The following SLC5A4 variants were observed in gnomAD, a reference collection of about 807,000 sequenced individuals.
SLC5A4 encodes the protein probable glucose sensor protein SLC5A4.
Under a neutral mutation model 70.3 loss-of-function variants are expected in SLC5A4, and 55 were observed. The ratio of observed to expected loss-of-function variants is 0.78; its 90% CI spans 0.63 to 0.98. The LOEUF is 0.98. Ranked by LOEUF, SLC5A4 falls within the 50% of genes least tolerant of loss-of-function variation. The pLI, the probability that SLC5A4 is intolerant of heterozygous loss-of-function variation, is 0.00. For missense variants in SLC5A4, 735 were observed against 839.2 expected (o/e 0.88, Z 1.53); for synonymous variants, 268 against 305.7 (o/e 0.88, Z 1.29).
chr22:32,325,957 C>G, the SLC5A4 span, among the ~76,000 whole-genome samples: 8 of 152,210 alleles, frequency 5.3e-5, no homozygotes, highest in Non-Finnish European at 1.0e-4. Context: ...GAGAGAGGAG[C>G]TGAGCCTGGA....
At chr22:32,329,607 G>A in the SLC5A4 span, among the ~76,000 whole-genome samples, 2 of 123,896 alleles carry the variant, frequency 1.6e-5, no homozygotes, top group Admixed American at 8.0e-5. Flanking sequence ...TCTGGTGTGT[G>A]TGTTGGCTCT....
At chr22:32,290,245 C>T in the SLC5A4 span, among the ~76,000 whole-genome samples, 2 of 152,128 alleles carry the variant, frequency 1.3e-5, no homozygotes, top group African/African-American at 4.8e-5. Flanking sequence ...GCTCTCCCTC[C>T]CCTTGCCCCC....
the SLC5A4 span, among the ~76,000 whole-genome samples, chr22:32,304,218 C>T: frequency 6.6e-6 from 1 of 152,172 alleles, no homozygotes; most frequent in African/African-American, 2.4e-5. Context: ...CCTCTGTCTC[C>T]TGGGTTCAAG....
chr22:32,240,431 ATG>A (rs1230601825), intron 5 of SLC5A4, among the ~76,000 whole-genome samples: 1 of 126,974 alleles, frequency 7.9e-6, no homozygotes, highest in African/African-American at 3.3e-5. Flanking sequence ...GTTATTATAT[ATG>A]TGTGTATATA....
chr22:32,310,140 C>G, the SLC5A4 span, among the ~76,000 whole-genome samples: 1 of 151,996 alleles, frequency 6.6e-6, no homozygotes. Flanking sequence ...GGGATGCTTA[C>G]GTGAACTCCA....
the SLC5A4 span, chr22:32,271,345 AG>A: frequency 1.4e-6 from 1 of 738,036 alleles, no homozygotes; most frequent in Admixed American, 2.0e-5. Flanking sequence ...CTCGTCAAGG[AG>A]GTGCTGCTGG....
At chr22:32,331,651 C>A in the SLC5A4 span, among the ~76,000 whole-genome samples, 1 of 152,094 alleles carries the variant, frequency 6.6e-6, no homozygotes, top group Non-Finnish European at 1.5e-5. Flanking sequence ...GCAGACAGGA[C>A]AGTGCCTGCT....
the SLC5A4 span, among the ~76,000 whole-genome samples, chr22:32,291,003 GTCT>G: frequency 1.5e-3 from 224 of 152,092 alleles, 1 homozygote; most frequent in African/African-American, 5.1e-3. Context: ...GTGTAGTGGT[GTCT>G]TCTTTTTAAT....
At chr22:32,270,736 C>A in the SLC5A4 span, 1 of 635,264 alleles carries the variant, frequency 1.6e-6, no homozygotes, top group Non-Finnish European at 2.9e-6. Flanking sequence ...CCTGGTCACC[C>A]GCAACATGCA....
Position 32,220,937 on chromosome 22 carries a change from T to A in SLC5A4, c.1751A>T (p.Asp584Val). The A allele has an allele frequency of 6.2e-7, 1 of 1,611,070 alleles. No homozygotes were observed. The highest frequency in any genetic ancestry group is 8.5e-7 in the Non-Finnish European group (1 of 1,177,216). Residue 584 changes from aspartate (D) to valine (V), a missense_variant, in exon 14 of 15, where the codon GAT (aspartate) becomes GTT (valine). Asp to Val is a radical substitution (Grantham distance 152). Transcript: ENST00000266086. Reference protein sequence around the residue: ...DAEEKSQEETDDGVEEDYPEK... With the variant: ...DAEEKSQEETVDGVEEDYPEK... ...AATATTACCTTCTTCAACACCATCA[T>A]CTGTTTCTTCCTGACTTTTCTCTTC...
the SLC5A4 span, among the ~76,000 whole-genome samples, chr22:32,326,422 A>G: frequency 6.6e-6 from 1 of 151,936 alleles, no homozygotes; most frequent in East Asian, 1.9e-4. Context: ...ATGCCCAGCT[A>G]GTTTTTTTAT....
rs188064326 is a variant in SLC5A4 at position 32,223,683 on chromosome 22, C to T, written c.1665+584G>A. On this transcript the variant is annotated intron_variant, in intron 13 of 14. Coordinates refer to ENST00000266086, the MANE Select transcript of SLC5A4 (RefSeq NM_014227.3). ...TGTCTTTGGAAACACCAATTATTCTCTTCCTGGTGTCCTATGACAATGCTG... is the reference window on the plus strand; with the variant it reads ...TGTCTTTGGAAACACCAATTATTCTTTTCCTGGTGTCCTATGACAATGCTG... Among the ~76,000 whole-genome samples, 144 of 152,304 alleles carry T rather than the reference C, an allele frequency of 9.5e-4. 5 individuals are homozygous for T. The highest frequency in any genetic ancestry group is 9.3e-3 in the Admixed American group (143 of 15,302).
At chr22:32,328,112 G>A in the SLC5A4 span, among the ~76,000 whole-genome samples, 1 of 142,762 alleles carries the variant, frequency 7.0e-6, no homozygotes, top group Non-Finnish European at 1.6e-5. Flanking sequence ...ACACACACCA[G>A]AGCCCCCAAA....
chr22:32,354,574 C>T, the SLC5A4 span, among the ~76,000 whole-genome samples: 1 of 152,000 alleles, frequency 6.6e-6, no homozygotes, highest in African/African-American at 2.4e-5. Flanking sequence ...GCCACGGCCA[C>T]TGCATCCCCA....
Position 32,234,963 on chromosome 22 carries a change from G to T in SLC5A4, c.795C>A (p.Ile265=), listed in dbSNP as rs376304888. The change falls in exon 8 of 15, where the codon ATC becomes ATA. Residue 265 remains isoleucine (I), a synonymous_variant. Transcript: ENST00000266086. ...TGTCCCCAGTCACAGCATCTCGGAA[G>T]ATGTGGAAGGAGTCCGCCCGAGGTG... The part of the protein sequence containing the change: ...CYTPRADSFH[I]FRDAVTGDIP... 2 of 1,613,234 alleles carry T rather than the reference G, an allele frequency of 1.2e-6. No homozygotes were observed. Among genetic ancestry groups the T allele is most frequent in the Non-Finnish European group, 1.7e-6 (2 of 1,180,002 alleles).
At chr22:32,307,113 TCCCTGGGAG>T in the SLC5A4 span, among the ~76,000 whole-genome samples, 1 of 152,066 alleles carries the variant, frequency 6.6e-6, no homozygotes, top group African/African-American at 2.4e-5. Flanking sequence ...GTAAACGGTA[TCCCTGGGAG>T]CCCATTACCA....
At chr22:32,323,654 G>A in the SLC5A4 span, among the ~76,000 whole-genome samples, 4 of 152,234 alleles carry the variant, frequency 2.6e-5, no homozygotes, top group African/African-American at 9.6e-5. Context: ...AAAGTCAGAG[G>A]AGGCTTGGAG....
At chr22:32,354,187 A>G in the SLC5A4 span, among the ~76,000 whole-genome samples, 125 of 47,010 alleles carry the variant, frequency 2.7e-3, 1 homozygote, top group African/African-American at 9.4e-3. Flanking sequence ...GCCCCCAACC[A>G]GCCTCCCACC....
chr22:32,322,093 T>G, the SLC5A4 span, among the ~76,000 whole-genome samples: 1 of 152,070 alleles, frequency 6.6e-6, no homozygotes, highest in South Asian at 2.1e-4. Flanking sequence ...GCCACTGATG[T>G]TGGAGCTAGG....
Sources: gnomAD v4.1 joint callset for allele counts (sites outside exome capture counted in the v4.1 genomes callset) on GRCh38, gnomAD v4.1.1 for gene constraint, MANE v1.5 for transcripts, NCBI Gene and HGNC (gene_info 2026-07-23, HGNC 2026-07-21) for gene names.